The following KCNIP1 variants were observed in gnomAD, a reference collection of about 807,000 sequenced individuals.
The protein encoded by KCNIP1 is A-type potassium channel modulatory protein KCNIP1.
KCNIP1 carries 18 observed loss-of-function variants against 33.0 expected under a neutral mutation model. The ratio of observed to expected loss-of-function variants is 0.55; its 90% CI spans 0.38 to 0.81. The LOEUF is 0.81. KCNIP1 is among the 30% of genes least tolerant of loss of function. The pLI is 0.00. For synonymous variants in KCNIP1, 93 were observed against 98.3 expected (o/e 0.95, Z 0.32); for missense variants, 238 against 271.6 (o/e 0.88, Z 0.87).
At chr5:170,528,995 A>G (rs2113337901) in intron 1 of KCNIP1, among the ~76,000 whole-genome samples, 1 of 152,372 alleles carries the variant, frequency 6.6e-6, no homozygotes, top group Non-Finnish European at 1.5e-5. Context: ...CAGATAAAGC[A>G]TAAGTGAGCA....
At chr5:170,360,020 G>C (rs1193064843) in intron 1 of KCNIP1, among the ~76,000 whole-genome samples, 22 of 152,202 alleles carry the variant, frequency 1.4e-4, no homozygotes, top group Non-Finnish European at 1.5e-5. Context: ...ATTAAAAGTA[G>C]CTGGAAACGG....
intron 1 of KCNIP1, among the ~76,000 whole-genome samples, chr5:170,643,407 C>T (rs1271173712): frequency 6.6e-6 from 1 of 152,234 alleles, no homozygotes; most frequent in Non-Finnish European, 1.5e-5. Flanking sequence ...GAAACCAAAA[C>T]ACCAGGATTA....
chr5:170,549,525 A>G (rs542310064), intron 1 of KCNIP1, among the ~76,000 whole-genome samples: 1 of 152,324 alleles, frequency 6.6e-6, no homozygotes, highest in East Asian at 1.9e-4. Flanking sequence ...TCTTAACCAG[A>G]TTAATAGTAT....
intron 1 of KCNIP1, among the ~76,000 whole-genome samples, chr5:170,431,513 G>A (rs1317848089): frequency 6.6e-6 from 1 of 152,174 alleles, no homozygotes; most frequent in East Asian, 1.9e-4. Context: ...GGATCCCCAC[G>A]CAGCTGAGAA....
At chr5:170,404,557 C>G (rs976606516) in intron 1 of KCNIP1, among the ~76,000 whole-genome samples, 1 of 152,138 alleles carries the variant, frequency 6.6e-6, no homozygotes, top group Non-Finnish European at 1.5e-5. Flanking sequence ...TCATGGGTGA[C>G]AGGCTAGTGA....
intron 1 of KCNIP1, among the ~76,000 whole-genome samples, chr5:170,513,336 C>T (rs13181630): frequency 0.13 from 19,326 of 152,190 alleles, 1,629 homozygotes; most frequent in African/African-American, 0.24. Context: ...GCCTGACATC[C>T]GAACCCCAGC....
intron 1 of KCNIP1, among the ~76,000 whole-genome samples, chr5:170,404,467 T>C (rs1027126689): frequency 1.3e-5 from 2 of 152,170 alleles, no homozygotes; most frequent in African/African-American, 4.8e-5. Flanking sequence ...TGGGCTAGGC[T>C]GATCTCAGCT....
chr5:170,436,633 A>C (rs1050442630), intron 1 of KCNIP1, among the ~76,000 whole-genome samples: 12 of 152,150 alleles, frequency 7.9e-5, no homozygotes, highest in Non-Finnish European at 1.6e-4. Flanking sequence ...AGGTGTGTGC[A>C]TGCATGCATG....
rs924960496 is a variant in KCNIP1, at chr5:170,488,810, G to A, written c.88+134846G>A. Among the ~76,000 whole-genome samples, 5 of 152,282 alleles carry A rather than the reference G, an allele frequency of 3.3e-5. No individual in the cohort carries two copies. The South Asian group carries it at 6.2e-4, about 19-fold the overall frequency. On this transcript the variant is annotated intron_variant, in intron 1 of 7. Transcript: ENST00000377360. ...GTCTTGAGTGTGTGTGCTGGGGGGA[G>A]CATCCACGTGAGCAAATGCCAGGCC... is the stretch of plus-strand genomic sequence containing the variant.
intron 1 of KCNIP1, among the ~76,000 whole-genome samples, chr5:170,373,368 C>A (rs1164533914): frequency 6.6e-6 from 1 of 152,190 alleles, no homozygotes; most frequent in Non-Finnish European, 1.5e-5. Context: ...GGCCTGGAGG[C>A]CTTGTCTCTG....
At chr5:170,482,097 C>A (rs547744599) in intron 1 of KCNIP1, among the ~76,000 whole-genome samples, 2 of 152,284 alleles carry the variant, frequency 1.3e-5, no homozygotes, top group South Asian at 4.1e-4. Context: ...ACCAAGCCAG[C>A]CATGTTAGCA....
intron 1 of KCNIP1, among the ~76,000 whole-genome samples, chr5:170,647,269 A>G (rs1760822023): frequency 6.6e-6 from 1 of 152,200 alleles, no homozygotes; most frequent in Admixed American, 6.5e-5. Flanking sequence ...GGATATCAAC[A>G]AAGTGATTTT....
intron 1 of KCNIP1, among the ~76,000 whole-genome samples, chr5:170,654,958 C>T (rs1156467973): frequency 6.6e-6 from 1 of 152,034 alleles, no homozygotes; most frequent in Non-Finnish European, 1.5e-5. Flanking sequence ...ATCTTAAATT[C>T]AGAACAATTC....
chr5:170,586,255 C>A (rs890810249), intron 1 of KCNIP1, among the ~76,000 whole-genome samples: 1 of 152,170 alleles, frequency 6.6e-6, no homozygotes, highest in Non-Finnish European at 1.5e-5. Flanking sequence ...GCATGACTGG[C>A]CTCTGCAATT....
At chr5:170,589,755 G>A (rs1450467459) in intron 1 of KCNIP1, among the ~76,000 whole-genome samples, 1 of 140,494 alleles carries the variant, frequency 7.1e-6, no homozygotes, top group South Asian at 2.4e-4. Flanking sequence ...GTGGTGTGGT[G>A]TGGTGTGGTG....
chr5:170,732,778 T>C, intron 5 of KCNIP1, 22 bp from the exon 6 acceptor site: 1 of 1,517,802 alleles, frequency 6.6e-7, no homozygotes, highest in Non-Finnish European at 9.2e-7. Context: ...CCACACTGTG[T>C]GCTTTTATGT....
At chr5:170,520,338 C>T (rs780546482) in intron 1 of KCNIP1, among the ~76,000 whole-genome samples, 1 of 151,974 alleles carries the variant, frequency 6.6e-6, no homozygotes, top group Non-Finnish European at 1.5e-5. Context: ...CCCGTCTGTG[C>T]CCTTAGGTCT....
chr5:170,457,891 C>T (rs1267725213), intron 1 of KCNIP1, among the ~76,000 whole-genome samples: 1 of 152,120 alleles, frequency 6.6e-6, no homozygotes, highest in East Asian at 1.9e-4. Context: ...AGTTATTAAG[C>T]TAATCAGGAA....
At chr5:170,421,541 G>T (rs1009743945) in intron 1 of KCNIP1, among the ~76,000 whole-genome samples, 1 of 152,054 alleles carries the variant, frequency 6.6e-6, no homozygotes, top group Non-Finnish European at 1.5e-5. Context: ...CTGCTTTCTG[G>T]TTCACTGATG....
Sources: allele counts gnomAD v4.1 joint callset (sites outside exome capture counted in the v4.1 genomes callset), GRCh38; gene constraint gnomAD v4.1.1; transcripts MANE v1.5; gene names NCBI Gene and HGNC (gene_info 2026-07-23, HGNC 2026-07-21).